Variants in LOXHD1 observed in about 807,000 individuals in gnomAD.
LOXHD1 encodes lipoxygenase homology PLAT domains 1, also known as lipoxygenase homology domain-containing protein 1.
LOXHD1 carries 205 observed loss-of-function variants against 248.2 expected under a neutral mutation model. The observed-to-expected ratio is 0.83, with a 90% CI of 0.74 to 0.93. The LOEUF is 0.93. LOXHD1 is among the 40% of genes least tolerant of loss of function. The pLI is 0.00. For synonymous variants in LOXHD1, 1,113 were observed against 1,162.8 expected (o/e 0.96, Z 0.87); for missense variants, 2,930 against 2,971.6 (o/e 0.99, Z 0.33).
At chr18:46,520,383 C>T (rs1426263229) in intron 33 of LOXHD1, 2 of 452,080 alleles carry the variant, frequency 4.4e-6, no homozygotes, top group Non-Finnish European at 9.1e-6. Context: ...CTTCTGTTGA[C>T]CCCATAGCCA....
intron 2 of LOXHD1, among the ~76,000 whole-genome samples, chr18:46,642,403 G>A (rs1404622544): frequency 1.3e-5 from 2 of 152,194 alleles, no homozygotes; most frequent in East Asian, 1.9e-4. Context: ...GGTGGATGGA[G>A]GAGGAAGGAA....
chr18:46,573,637 A>G (rs1194229224), intron 14 of LOXHD1, among the ~76,000 whole-genome samples: 4 of 151,990 alleles, frequency 2.6e-5, no homozygotes, highest in South Asian at 2.1e-4. Context: ...CATGGAGTTC[A>G]GGCATCCCCA....
intron 4 of LOXHD1, among the ~76,000 whole-genome samples, chr18:46,625,443 A>G (rs2038728094): frequency 6.6e-6 from 1 of 152,020 alleles, no homozygotes; most frequent in Admixed American, 6.6e-5. Flanking sequence ...AAGGAGAAGA[A>G]TTCCCTTGGG....
intron 34 of LOXHD1, among the ~76,000 whole-genome samples, chr18:46,515,905 C>T (rs940543867): frequency 6.6e-6 from 1 of 152,204 alleles, no homozygotes; most frequent in East Asian, 1.9e-4. Flanking sequence ...CAGGACTAAC[C>T]AGACCGACGG....
chr18:46,520,346 T>G (rs1300341665), intron 33 of LOXHD1: 1 of 470,958 alleles, frequency 2.1e-6, no homozygotes, highest in Admixed American at 2.3e-5. Flanking sequence ...TTGGTTTTGA[T>G]TCAGTACCAG....
intron 6 of LOXHD1, among the ~76,000 whole-genome samples, chr18:46,605,330 T>C (rs2038396685): frequency 6.6e-6 from 1 of 151,986 alleles, no homozygotes; most frequent in African/African-American, 2.4e-5. Context: ...ATCAAGACCA[T>C]CCTGGCTAAC....
intron 8 of LOXHD1, among the ~76,000 whole-genome samples, chr18:46,596,832 T>C (rs1395930562): frequency 1.3e-5 from 2 of 152,150 alleles, no homozygotes; most frequent in East Asian, 3.8e-4. Context: ...GAAAACTCAA[T>C]ATAGAATTCT....
intron 31 of LOXHD1, among the ~76,000 whole-genome samples, chr18:46,523,239 G>T (rs918953018): frequency 3.3e-5 from 5 of 152,160 alleles, no homozygotes; most frequent in African/African-American, 1.2e-4. Context: ...AAGCCACCAC[G>T]CCTGGCCAGG....
In LOXHD1 at chr18:46,604,194, A is replaced by G. The variant is rs1419340032; in HGVS notation, c.795T>C (p.Tyr265=). 4 of 1,551,736 alleles carry G rather than the reference A, an allele frequency of 2.6e-6. No homozygotes were observed. Among genetic ancestry groups the G allele is most frequent in the Non-Finnish European group, 8.7e-7 (1 of 1,146,990 alleles). Residue 265 remains tyrosine (Y), a synonymous_variant, in exon 7 of 41, where the codon TAT becomes TAC. Coordinates refer to ENST00000642948, the MANE Select transcript of LOXHD1 (RefSeq NM_001384474.1). ...CCAGCCAGCGGTTAAGGGGGAAGTC[A>G]TATTTTCTTTTGTTCCCAATATCTT... ...VIEDIGNKRK[Y]DFPLNRWLAL...
At chr18:46,497,155 C>T (rs1222766402) in intron 37 of LOXHD1, among the ~76,000 whole-genome samples, 1 of 152,170 alleles carries the variant, frequency 6.6e-6, no homozygotes, top group Non-Finnish European at 1.5e-5. Context: ...AAGAGGATCA[C>T]ATCAATGACT....
chr18:46,478,101 G>A (rs1271416595), intron 40 of LOXHD1, 149 bp from the exon 41 acceptor site: 103 of 1,077,872 alleles, frequency 9.6e-5, no homozygotes, highest in Middle Eastern at 6.2e-4. Flanking sequence ...TTAAATGTGC[G>A]TATGGATTCT....
intron 37 of LOXHD1, among the ~76,000 whole-genome samples, chr18:46,498,326 A>G (rs1345865283): frequency 6.6e-6 from 1 of 152,166 alleles, no homozygotes; most frequent in Non-Finnish European, 1.5e-5. Context: ...CCCAGTAGCA[A>G]ATCCTGAGGC....
In LOXHD1 at chr18:46,483,757, A is replaced by G. The variant is rs922804425; in HGVS notation, c.6183-12T>C. On this transcript the variant is annotated splice_polypyrimidine_tract_variant and intron_variant, in intron 39 of 40. Coordinates refer to ENST00000642948, the MANE Select transcript of LOXHD1 (RefSeq NM_001384474.1). ...TGTCTGTGGTCCCCCTGCAGGAAACAAAAGTGTGGTCCATGAGCTGCCTTT... is the reference window on the plus strand; with the variant it reads ...TGTCTGTGGTCCCCCTGCAGGAAACGAAAGTGTGGTCCATGAGCTGCCTTT... 4 of 1,488,316 alleles carry G rather than the reference A, an allele frequency of 2.7e-6. No homozygotes were observed. The African/African-American group carries it at 6.0e-5, about 22-fold the overall frequency. The allele number at this position is 1,488,316 out of a possible 1,614,324, so 92.2% of individuals were successfully genotyped here.
chr18:46,560,848 ACG>A (rs1470944153), intron 18 of LOXHD1, among the ~76,000 whole-genome samples: 14 of 140,156 alleles, frequency 1.0e-4, no homozygotes, highest in Middle Eastern at 3.7e-3. Flanking sequence ...ACACACACAC[ACG>A]CACGCGCGCG....
intron 18 of LOXHD1, among the ~76,000 whole-genome samples, chr18:46,560,894 C>A (rs992236000): frequency 2.0e-5 from 3 of 152,182 alleles, no homozygotes; most frequent in African/African-American, 7.2e-5. Flanking sequence ...CTGTCCCTAT[C>A]ATGGCTCATA....
chr18:46,519,209 G>T, intron 33 of LOXHD1: 2 of 526,644 alleles, frequency 3.8e-6, no homozygotes, highest in Non-Finnish European at 4.9e-6. Context: ...GTTCAGGAGA[G>T]GCTCAGACAC....
chr18:46,569,192 A>G (rs564692893), intron 16 of LOXHD1, among the ~76,000 whole-genome samples: 1 of 152,354 alleles, frequency 6.6e-6, no homozygotes, highest in Admixed American at 6.5e-5. Flanking sequence ...TACACATTCC[A>G]GCCCCAAAGA....
chr18:46,591,840 G>A (rs2038174126), intron 12 of LOXHD1, 93 bp downstream of exon 12: 1 of 1,463,608 alleles, frequency 6.8e-7, no homozygotes, highest in South Asian at 1.3e-5. Context: ...AAGATGCAAA[G>A]CAGACAAGAC....
chr18:46,623,237 C>A (rs2038693254), intron 4 of LOXHD1, among the ~76,000 whole-genome samples: 1 of 152,214 alleles, frequency 6.6e-6, no homozygotes, highest in Non-Finnish European at 1.5e-5. Flanking sequence ...AATCTACAAG[C>A]TCTCTGATGT....
Sources: allele counts gnomAD v4.1 joint callset (sites outside exome capture counted in the v4.1 genomes callset), GRCh38; gene constraint gnomAD v4.1.1; transcripts MANE v1.5; gene names NCBI Gene and HGNC (gene_info 2026-07-23, HGNC 2026-07-21).